UBAC1: variants seen among roughly 807,000 people sequenced by gnomAD.
UBAC1 encodes the protein UBA domain containing 1.
In UBAC1, 27 loss-of-function variants were observed where a neutral mutation model predicts 45.9. That is an observed-to-expected ratio of 0.59 (90% CI 0.43 to 0.81). The LOEUF is 0.81. Among genes scored for constraint, UBAC1 ranks in the 30% least tolerant of loss-of-function variants. The probability of loss-of-function intolerance (pLI) is 0.00; values close to 1 mark genes in which losing one functional copy is unlikely to be tolerated. For synonymous variants in UBAC1, 227 were observed against 215.5 expected (o/e 1.05, Z -0.47); for missense variants, 529 against 539.2 (o/e 0.98, Z 0.19).
intron 8 of UBAC1, among the ~76,000 whole-genome samples, chr9:135,939,078 T>C (rs1474345313): frequency 6.6e-6 from 1 of 152,034 alleles, no homozygotes; most frequent in East Asian, 1.9e-4. Flanking sequence ...GGTGCATGCC[T>C]GTGGTCCCAG....
rs752438404 is a variant in UBAC1, at chr9:135,945,019, A to T, written c.876+9T>A. 6.2e-7 allele frequency: 1 copy of T among 1,611,854 alleles called. No individual in the cohort carries two copies. Among genetic ancestry groups the T allele is most frequent in the Admixed American group, 1.7e-5 (1 of 59,686 alleles). ...GACTCTGCCTGGCGACAGGTCTAGT[A>T]ACACATACCCGAGCATCAGCCCGAA... On this transcript the variant is annotated intron_variant, in intron 7 of 9. Coordinates refer to ENST00000371756, the MANE Select transcript of UBAC1 (RefSeq NM_016172.3).
At chr9:135,933,587 T>C in intron 9 of UBAC1, 72 bp from the exon 10 acceptor site, 1 of 1,098,890 alleles carries the variant, frequency 9.1e-7, no homozygotes, top group Non-Finnish European at 1.4e-6. Context: ...GTGACTTTCC[T>C]CTTCGGCAGC....
intron 1 of UBAC1, 50 bp downstream of exon 1, chr9:135,960,975 G>A (rs1287145688): frequency 7.0e-7 from 1 of 1,432,966 alleles, no homozygotes; most frequent in Non-Finnish European, 9.2e-7. Flanking sequence ...GTCCGCAGTC[G>A]GAGGGGTCCG....
At chr9:135,957,383 G>A (rs1839479634) in intron 1 of UBAC1, among the ~76,000 whole-genome samples, 1 of 152,126 alleles carries the variant, frequency 6.6e-6, no homozygotes, top group Admixed American at 6.5e-5. Context: ...TAGTTCATTT[G>A]TCAAGTTCAG....
intron 7 of UBAC1, among the ~76,000 whole-genome samples, chr9:135,943,440 T>TA (rs1383431611): frequency 6.6e-6 from 1 of 152,118 alleles, no homozygotes; most frequent in African/African-American, 2.4e-5. Context: ...TGATGATTAT[T>TA]AAAAAGTCAA....
At chr9:135,938,436 A>C in intron 8 of UBAC1, 76 bp from the exon 9 acceptor site, 1 of 1,547,546 alleles carries the variant, frequency 6.5e-7, no homozygotes, top group Non-Finnish European at 8.7e-7. Flanking sequence ...AGCAGGCATG[A>C]CAGCTCCTGC....
At chr9:135,947,488 G>C (rs1839352264) in intron 4 of UBAC1, 2 of 277,568 alleles carry the variant, frequency 7.2e-6, no homozygotes, top group Admixed American at 5.3e-5. Flanking sequence ...TCTGACCTCA[G>C]GTGATCCACC....
At chr9:135,944,523 C>T (rs1037063504) in intron 7 of UBAC1, among the ~76,000 whole-genome samples, 2 of 152,160 alleles carry the variant, frequency 1.3e-5, no homozygotes, top group Admixed American at 6.5e-5. Flanking sequence ...GAGGCGCGGG[C>T]GAGGAAGGTC....
chr9:135,960,042 T>A (rs557708351), intron 1 of UBAC1, among the ~76,000 whole-genome samples: 3 of 152,304 alleles, frequency 2.0e-5, no homozygotes, highest in African/African-American at 7.2e-5. Flanking sequence ...TGGTAAGAAC[T>A]GAAGTTTATC....
Position 135,939,611 on chromosome 9 carries a change from C to A in UBAC1, c.963+62G>T, listed in dbSNP as rs1839244760. ...CCACACTCACTCACCACAGCCCACA[C>A]TTACCACAGCCCACACTCACTCACC... is the stretch of plus-strand genomic sequence containing the variant. On this transcript the variant is annotated intron_variant, in intron 8 of 9. Transcript: ENST00000371756. The A allele has an allele frequency of 2.6e-6, 4 of 1,537,934 alleles. No homozygotes were observed. In the East Asian group the frequency reaches 9.0e-5, roughly 35 times the overall value.
In UBAC1 at chr9:135,945,108, T is replaced by C. The variant is rs139530690; in HGVS notation, c.796A>G (p.Thr266Ala). 3 of 1,614,068 alleles carry C rather than the reference T, an allele frequency of 1.9e-6. No homozygotes were observed. Among genetic ancestry groups the C allele is most frequent in the Non-Finnish European group, 2.5e-6 (3 of 1,179,992 alleles). Reference sequence around the variant, plus strand: ...AGCTCATCTCTGGCCTCCTCATCGGTGGCGCTGGCTCCCGCGGCAGCCTCG... The same window carrying C: ...AGCTCATCTCTGGCCTCCTCATCGGCGGCGCTGGCTCCCGCGGCAGCCTCG... ...ASEAAAGASA[T>A]DEEARDELTE... The change falls in exon 7 of 10, where the codon ACC (threonine) becomes GCC (alanine). Residue 266 changes from threonine to alanine, a missense_variant. Coordinates refer to ENST00000371756, the MANE Select transcript of UBAC1 (RefSeq NM_016172.3).
At position 135,933,338 on chromosome 9, in the gene UBAC1, GC is replaced by G; in HGVS notation, c.*61del. Reference sequence around the variant, plus strand: ...TGAGTTTCCAGGTGAGGTCCACTCTGCCCGGTCTCGGGCCGCACCAGGGGGC... The same window carrying G: ...TGAGTTTCCAGGTGAGGTCCACTCTGCCGGTCTCGGGCCGCACCAGGGGGC... On this transcript the variant is annotated 3_prime_UTR_variant, in exon 10 of 10. Coordinates refer to ENST00000371756, the MANE Select transcript of UBAC1 (RefSeq NM_016172.3). 2 of 1,428,502 alleles carry G rather than the reference GC, an allele frequency of 1.4e-6. No individual in the cohort carries two copies. The highest frequency in any genetic ancestry group is 9.9e-7 in the Non-Finnish European group (1 of 1,012,648). 88.5% of individuals were successfully genotyped at this position (1,428,502 alleles called of 1,614,324 possible). A position where few individuals can be genotyped will look rare whatever the true frequency, so the allele number is the denominator to read the frequency against.
Position 135,940,597 on chromosome 9 carries a change from AT to A in UBAC1, c.877-839del, listed in dbSNP as rs1415910079. Among the ~76,000 whole-genome samples the A allele has an allele frequency of 3.3e-5, 5 of 151,836 alleles. No individual in the cohort carries two copies. In the South Asian group the frequency reaches 6.2e-4, roughly 19 times the overall value. ...TCCATCTCAAAAAAAAAAAAAAAAA[AT>A]CCTAAAACTAATTTTTTAACTTTTA... On this transcript the variant is annotated intron_variant, in intron 7 of 9. Coordinates refer to ENST00000371756, the MANE Select transcript of UBAC1 (RefSeq NM_016172.3).
intron 4 of UBAC1, among the ~76,000 whole-genome samples, chr9:135,947,338 G>A (rs966207076): frequency 6.6e-6 from 1 of 151,714 alleles, no homozygotes; most frequent in East Asian, 1.9e-4. Context: ...TGCAACCTCC[G>A]CCTCCCGGGT....
At chr9:135,954,298 A>T (rs1467692116) in intron 2 of UBAC1, among the ~76,000 whole-genome samples, 1 of 152,148 alleles carries the variant, frequency 6.6e-6, no homozygotes, top group Admixed American at 6.5e-5. Flanking sequence ...TATAAAAAAT[A>T]GTTGCGCATG....
intron 4 of UBAC1, among the ~76,000 whole-genome samples, chr9:135,947,015 C>A (rs1043560363): frequency 6.6e-6 from 1 of 152,170 alleles, no homozygotes; most frequent in Non-Finnish European, 1.5e-5. Context: ...ATGCCCTGGT[C>A]AGCACAGAAC....
At chr9:135,958,237 T>C (rs977460549) in intron 1 of UBAC1, among the ~76,000 whole-genome samples, 4 of 152,032 alleles carry the variant, frequency 2.6e-5, no homozygotes, top group Non-Finnish European at 4.4e-5. Flanking sequence ...TTAGTAAAGA[T>C]GGGGTTTCAC....
At chr9:135,940,097 G>C (rs1252039684) in intron 7 of UBAC1, among the ~76,000 whole-genome samples, 1 of 152,142 alleles carries the variant, frequency 6.6e-6, no homozygotes, top group Non-Finnish European at 1.5e-5. Context: ...GACCCTTTCA[G>C]GTTTGTCCCG....
intron 3 of UBAC1, among the ~76,000 whole-genome samples, chr9:135,953,380 G>C (rs140388230): frequency 6.6e-6 from 1 of 152,048 alleles, no homozygotes; most frequent in Non-Finnish European, 1.5e-5. Flanking sequence ...GCAGTGGCAC[G>C]ATCTCGGCTC....
Sources: gnomAD v4.1 joint callset for allele counts (sites outside exome capture counted in the v4.1 genomes callset) on GRCh38, gnomAD v4.1.1 for gene constraint, MANE v1.5 for transcripts, NCBI Gene and HGNC (gene_info 2026-07-23, HGNC 2026-07-21) for gene names.